Variants in IFT27 observed in about 807,000 individuals in gnomAD.
IFT27 encodes intraflagellar transport protein 27 homolog.
Under a neutral mutation model 23.9 loss-of-function variants are expected in IFT27, and 19 were observed. The ratio of observed to expected loss-of-function variants is 0.79; its 90% CI spans 0.55 to 1.16. The LOEUF is 1.16. Among genes scored for constraint, IFT27 ranks in the 50% most tolerant of loss-of-function variants. The pLI is 0.00. For synonymous variants in IFT27, 91 were observed against 89.1 expected, an observed-to-expected ratio of 1.02 and a Z score of -0.12; for missense variants, 206 against 228.7, an observed-to-expected ratio of 0.90 and a Z score of 0.64.
chr22:36,772,562 A>G, intron 1 of IFT27: 4 of 985,084 alleles, frequency 4.1e-6, no homozygotes, highest in Non-Finnish European at 4.8e-6. Flanking sequence ...GCCTGGAGGC[A>G]TTTCCCCGCA....
chr22:36,766,270 A>C, intron 3 of IFT27, 73 bp from the exon 4 acceptor site: 1 of 1,247,112 alleles, frequency 8.0e-7, no homozygotes, highest in Non-Finnish European at 1.2e-6. Flanking sequence ...ATCACTCTCA[A>C]CTCACACTGG....
intron 4 of IFT27, 139 bp downstream of exon 4, chr22:36,765,999 G>A: frequency 1.3e-6 from 1 of 752,134 alleles, no homozygotes; most frequent in Non-Finnish European, 2.4e-6. Context: ...CCTGGGCTGG[G>A]AGGAATGCCC....
intron 1 of IFT27, among the ~76,000 whole-genome samples, chr22:36,770,222 A>G (rs1365469195): frequency 6.6e-6 from 1 of 152,146 alleles, no homozygotes; most frequent in African/African-American, 2.4e-5. Flanking sequence ...CACAGTTGCC[A>G]AGGCCGATGG....
At chr22:36,768,270 C>G (rs1938306125) in intron 1 of IFT27, 1 of 359,670 alleles carries the variant, frequency 2.8e-6, no homozygotes, top group African/African-American at 2.1e-5. Context: ...GCAGAGTCAC[C>G]TGTCCAACTG....
chr22:36,758,530 C>A, intron 6 of IFT27, 121 bp from the exon 7 acceptor site: 1 of 732,778 alleles, frequency 1.4e-6, no homozygotes, highest in South Asian at 1.7e-5. Context: ...TCTTCACGCC[C>A]TTCGAGGTAG....
chr22:36,759,366 C>T (rs1456088142), intron 6 of IFT27: 2 of 152,178 alleles, frequency 1.3e-5, no homozygotes, highest in African/African-American at 4.8e-5. Flanking sequence ...TCGTGAATAT[C>T]TTTGTGACTA....
At chr22:36,759,586 T>C (rs749729570) in intron 6 of IFT27, 3 of 152,070 alleles carry the variant, frequency 2.0e-5, no homozygotes, top group Non-Finnish European at 4.4e-5. Context: ...CAGAAAAAAG[T>C]TGGCAGAAAA....
chr22:36,768,260 G>A (rs190190727), intron 1 of IFT27: 49 of 364,002 alleles, frequency 1.3e-4, no homozygotes, highest in African/African-American at 9.5e-4. Context: ...GCACTGACAG[G>A]CAGAGTCACC....
intron 1 of IFT27, among the ~76,000 whole-genome samples, chr22:36,769,007 C>T (rs1444713274): frequency 1.3e-5 from 2 of 152,226 alleles, no homozygotes; most frequent in African/African-American, 4.8e-5. Flanking sequence ...CAACAGTCTG[C>T]CACTGTTCAC....
chr22:36,768,817 T>C (rs1238047670), intron 1 of IFT27, among the ~76,000 whole-genome samples: 1 of 152,230 alleles, frequency 6.6e-6, no homozygotes, highest in East Asian at 1.9e-4. Flanking sequence ...GAGTCTTACG[T>C]GGACTTGCAC....
chr22:36,773,775 C>T (rs376081536), intron 1 of IFT27, among the ~76,000 whole-genome samples: 1 of 152,268 alleles, frequency 6.6e-6, no homozygotes, highest in African/African-American at 2.4e-5. Context: ...AGCTCTGCCA[C>T]TTCCAGCTCT....
chr22:36,763,531 A>G (rs1938154412), intron 5 of IFT27: 13 of 349,382 alleles, frequency 3.7e-5, no homozygotes, highest in South Asian at 3.3e-4. Context: ...ATAGGGACGA[A>G]AAATAAACTG....
intron 5 of IFT27, chr22:36,763,292 A>C: frequency 2.7e-6 from 1 of 369,442 alleles, no homozygotes; most frequent in Non-Finnish European, 4.9e-6. Flanking sequence ...AAAGGGCTGC[A>C]AACGCCTGAA....
chr22:36,767,812 C>A lies in IFT27; in HGVS notation c.85G>T (p.Gly29Ter). 1 of 1,614,196 alleles carries A rather than the reference C, an allele frequency of 6.2e-7. No homozygotes were observed. The highest frequency in any genetic ancestry group is 1.3e-5 in the African/African-American group (1 of 75,050). ...TALAQIFRSD[G>*]AHFQKSYTLT... is the part of the protein sequence containing the mutation. ...GTGTAGCTTTTCTGGAAATGGGCTC[C>A]ATCACTGCGGAAGATCTGTGCCAGG... Residue 29 changes from glycine to a stop codon, truncating the protein, a stop_gained, in exon 2 of 7, where the codon GGA (glycine) becomes TGA (stop). Transcript: ENST00000433985. LOFTEE classifies it high-confidence loss of function.
At chr22:36,761,846 G>A (rs1045634039) in intron 6 of IFT27, 16 of 152,352 alleles carry the variant, frequency 1.1e-4, no homozygotes, top group African/African-American at 3.6e-4. Flanking sequence ...GTTCCTAGAT[G>A]CAATAGCAGA....
chr22:36,760,817 A>G (rs560341176), intron 6 of IFT27: 15 of 167,258 alleles, frequency 9.0e-5, no homozygotes, highest in African/African-American at 2.6e-4. Context: ...GCCCTCATCA[A>G]ACGTTACTTC....
At chr22:36,770,309 T>TCCTGTCCCCGTGG (rs1320845022) in intron 1 of IFT27, among the ~76,000 whole-genome samples, 1 of 152,158 alleles carries the variant, frequency 6.6e-6, no homozygotes, top group East Asian at 1.9e-4. Context: ...CCTTCCCGAG[T>TCCTGTCCCCGTGG]CCTGTCCCCG....
intron 4 of IFT27, among the ~76,000 whole-genome samples, chr22:36,765,564 T>C (rs1319220087): frequency 1.3e-5 from 2 of 152,158 alleles, no homozygotes; most frequent in Non-Finnish European, 2.9e-5. Flanking sequence ...GGGAGGGCTC[T>C]GGAGAACTCA....
chr22:36,763,348 A>T, intron 5 of IFT27: 1 of 279,612 alleles, frequency 3.6e-6, no homozygotes. Flanking sequence ...TTCTGAGCAC[A>T]CGGAGCAAAC....
Sources: allele counts gnomAD v4.1 joint callset (sites outside exome capture counted in the v4.1 genomes callset), GRCh38; gene constraint gnomAD v4.1.1; transcripts MANE v1.5; gene names NCBI Gene and HGNC (gene_info 2026-07-23, HGNC 2026-07-21).